FAM171B: variants seen among roughly 807,000 people sequenced by gnomAD.
FAM171B encodes protein FAM171B.
A neutral mutation model predicts 75.6 loss-of-function variants in FAM171B; 19 were observed. That is an observed-to-expected ratio of 0.25 (90% CI 0.18 to 0.37). FAM171B has a LOEUF of 0.37. FAM171B is among the 10% of genes least tolerant of loss of function. The pLI is 1.00. For missense variants in FAM171B, 848 were observed against 982.4 expected (o/e 0.86, Z 1.83); for synonymous variants, 367 against 361.7 (o/e 1.01, Z -0.17).
At chr2:186,747,031 C>A in intron 3 of FAM171B, 61 bp from the exon 4 acceptor site, 2 of 1,254,108 alleles carry the variant, frequency 1.6e-6, no homozygotes, top group Non-Finnish European at 1.1e-6. Context: ...GACATCCTGA[C>A]CAATGCTGCT....
At chr2:186,697,464 C>T (rs1689599792) in intron 1 of FAM171B, among the ~76,000 whole-genome samples, 1 of 152,040 alleles carries the variant, frequency 6.6e-6, no homozygotes, top group Admixed American at 6.5e-5. Flanking sequence ...TCAGGCTAGC[C>T]TCAAACTCTG....
At chr2:186,705,399 T>G (rs1267527580) in intron 1 of FAM171B, among the ~76,000 whole-genome samples, 1 of 152,092 alleles carries the variant, frequency 6.6e-6, no homozygotes, top group Admixed American at 6.5e-5. Flanking sequence ...TTTGGTCTGT[T>G]GTCTGAGTCC....
At chr2:186,751,419 T>C in intron 5 of FAM171B, 115 bp downstream of exon 5, 1 of 962,328 alleles carries the variant, frequency 1.0e-6, no homozygotes, top group Non-Finnish European at 1.4e-6. Flanking sequence ...ATCACAAATG[T>C]ATTTGTTAGT....
intron 6 of FAM171B, among the ~76,000 whole-genome samples, chr2:186,757,883 T>C (rs978411866): frequency 6.6e-6 from 1 of 152,130 alleles, no homozygotes. Flanking sequence ...ATTACTCCAT[T>C]CTGGAAGCAA....
At chr2:186,742,149 T>C (rs748303467) in intron 2 of FAM171B, among the ~76,000 whole-genome samples, 1 of 152,150 alleles carries the variant, frequency 6.6e-6, no homozygotes, top group Non-Finnish European at 1.5e-5. Context: ...ATTGTTCCTA[T>C]GGTGGTGTTG....
chr2:186,728,415 TATCCCCA>T (rs1424337853), intron 1 of FAM171B, among the ~76,000 whole-genome samples: 9 of 152,212 alleles, frequency 5.9e-5, no homozygotes, highest in African/African-American at 1.9e-4. Flanking sequence ...TTGCTGTCTG[TATCCCCA>T]ATCCCCATCT....
chr2:186,743,160 G>A (rs945231250), intron 2 of FAM171B, among the ~76,000 whole-genome samples: 1 of 152,106 alleles, frequency 6.6e-6, no homozygotes, highest in African/African-American at 2.4e-5. Context: ...ATATCAGGGA[G>A]TTATTCAAGC....
In FAM171B at chr2:186,761,749, T is replaced by G; in HGVS notation, c.1407T>G (p.Phe469Leu). ...DFKIYNEDVS[F>L]LSVNQNNYSR... ...AAATCTACAATGAAGATGTTTCATT[T>G]CTATCAGTCAATCAAAATAATTACT... The change falls in exon 8 of 8, where the codon TTT (phenylalanine) becomes TTG (leucine). Residue 469 changes from phenylalanine to leucine, a missense_variant. Physicochemically the swap from Phe to Leu is conservative, Grantham distance 22. Coordinates refer to ENST00000304698, the MANE Select transcript of FAM171B (RefSeq NM_177454.4). 1 of 1,613,496 alleles carries G rather than the reference T, an allele frequency of 6.2e-7. No individual in the cohort carries two copies. The highest frequency in any genetic ancestry group is 8.5e-7 in the Non-Finnish European group (1 of 1,179,732).
intron 1 of FAM171B, among the ~76,000 whole-genome samples, chr2:186,726,045 G>T (rs1690027740): frequency 6.6e-6 from 1 of 152,178 alleles, no homozygotes; most frequent in Admixed American, 6.5e-5. Flanking sequence ...TTCTTAAGTT[G>T]TAAAGGCTCT....
At chr2:186,724,231 T>C (rs1689997808) in intron 1 of FAM171B, among the ~76,000 whole-genome samples, 1 of 135,534 alleles carries the variant, frequency 7.4e-6, no homozygotes, top group African/African-American at 2.5e-5. Context: ...TGATTGATGA[T>C]GATATTTTAT....
intron 1 of FAM171B, among the ~76,000 whole-genome samples, chr2:186,721,836 T>A (rs1475411326): frequency 6.6e-6 from 1 of 151,964 alleles, no homozygotes; most frequent in Admixed American, 6.6e-5. Context: ...CCCCTCAGTG[T>A]CTCAGTAGTA....
At chr2:186,716,222 C>T (rs531263807) in intron 1 of FAM171B, among the ~76,000 whole-genome samples, 1 of 152,160 alleles carries the variant, frequency 6.6e-6, no homozygotes, top group East Asian at 1.9e-4. Context: ...CTGTATTGCC[C>T]AGGCTGGTCT....
intron 1 of FAM171B, among the ~76,000 whole-genome samples, chr2:186,703,333 C>T (rs1689690072): frequency 1.3e-5 from 2 of 152,124 alleles, no homozygotes; most frequent in African/African-American, 4.8e-5. Context: ...ATGTGTGGAT[C>T]CAAATGCTAG....
chr2:186,738,564 A>G (rs1690238545), intron 1 of FAM171B, among the ~76,000 whole-genome samples: 1 of 152,106 alleles, frequency 6.6e-6, no homozygotes, highest in African/African-American at 2.4e-5. Flanking sequence ...TAAGACAAAG[A>G]TAGAAGTTCT....
intron 6 of FAM171B, among the ~76,000 whole-genome samples, chr2:186,757,572 A>T (rs1690550179): frequency 6.6e-6 from 1 of 152,182 alleles, no homozygotes; most frequent in Non-Finnish European, 1.5e-5. Flanking sequence ...GAATTCTAGA[A>T]TTCCTTGGAA....
intron 4 of FAM171B, among the ~76,000 whole-genome samples, chr2:186,747,456 C>G (rs1574110678): frequency 2.0e-5 from 3 of 151,952 alleles, no homozygotes; most frequent in East Asian, 1.9e-4. Context: ...AAAAATTCAG[C>G]ATACATTATT....
At chr2:186,725,243 C>T (rs1000514932) in intron 1 of FAM171B, among the ~76,000 whole-genome samples, 11 of 151,320 alleles carry the variant, frequency 7.3e-5, no homozygotes, top group Non-Finnish European at 1.3e-4. Context: ...ACTTGGGAGG[C>T]TGAAGCAGGA....
At chr2:186,740,177 A>T in intron 1 of FAM171B, 51 bp from the exon 2 acceptor site, 1 of 1,299,442 alleles carries the variant, frequency 7.7e-7, no homozygotes, top group Non-Finnish European at 1.1e-6. Flanking sequence ...AGACTATGAC[A>T]TATGCATTCT....
intron 1 of FAM171B, among the ~76,000 whole-genome samples, chr2:186,715,428 C>G (rs1288983434): frequency 6.6e-6 from 1 of 152,066 alleles, no homozygotes; most frequent in Admixed American, 6.6e-5. Context: ...GTCTTGAACT[C>G]CTGGGCTCAA....
Sources: allele counts gnomAD v4.1 joint callset (sites outside exome capture counted in the v4.1 genomes callset), GRCh38; gene constraint gnomAD v4.1.1; transcripts MANE v1.5; gene names NCBI Gene and HGNC (gene_info 2026-07-23, HGNC 2026-07-21).